The following APBA1 variants were observed in gnomAD, a reference collection of about 807,000 sequenced individuals.
APBA1 encodes amyloid-beta A4 precursor protein-binding family A member 1.
In APBA1, 55 loss-of-function variants were observed where a neutral mutation model predicts 86.6. The ratio of observed to expected loss-of-function variants is 0.64; its 90% CI spans 0.51 to 0.80. The LOEUF is 0.80. Among genes scored for constraint, APBA1 ranks in the 30% least tolerant of loss-of-function variants. The pLI is 0.00. For synonymous variants in APBA1, 511 were observed against 493.9 expected, an observed-to-expected ratio of 1.03 and a Z score of -0.46; for missense variants, 1,090 against 1,183.0, an observed-to-expected ratio of 0.92 and a Z score of 1.15.
intron 2 of APBA1, among the ~76,000 whole-genome samples, chr9:69,504,596 T>C (rs1009319432): frequency 1.3e-5 from 2 of 151,976 alleles, no homozygotes; most frequent in Non-Finnish European, 2.9e-5. Flanking sequence ...CCCCCAAACA[T>C]TAGTATCTGT....
In APBA1 at chr9:69,482,911, T is replaced by C. The variant is rs560018510; in HGVS notation, c.1201-6768A>G. Among the ~76,000 whole-genome samples the C allele has an allele frequency of 5.7e-5, 8 of 139,546 alleles. No individual in the cohort carries two copies. The East Asian group carries it at 6.4e-4, about 11-fold the overall frequency. The allele number at this position is 139,546 out of a possible 152,430, so 91.5% of individuals were successfully genotyped here. ...GCATATTCTCACTCATAGGTGGGAA[T>C]TGAACAATGAGATCGCATGGACACA... is the stretch of plus-strand genomic sequence containing the variant. On this transcript the variant is annotated intron_variant, in intron 2 of 12. Transcript: ENST00000265381.
At position 69,429,652 on chromosome 9, in the gene APBA1, G is replaced by T. The variant is rs536157607; in HGVS notation, c.*1675C>A. On this transcript the variant is annotated 3_prime_UTR_variant, in exon 13 of 13. Transcript: ENST00000265381. Reference sequence around the variant, plus strand: ...GGGGAATTGATCACAGAACTCTCTGGTTGAAGTCTCTTGTCCCTAATCTTG... The same window carrying T: ...GGGGAATTGATCACAGAACTCTCTGTTTGAAGTCTCTTGTCCCTAATCTTG... 1 of 152,178 alleles carries T rather than the reference G, an allele frequency of 6.6e-6. No homozygotes were observed. Among genetic ancestry groups the T allele is most frequent in the South Asian group, 2.1e-4 (1 of 4,810 alleles). The allele number at this position is 152,178 out of a possible 1,614,324, so 9.4% of individuals were successfully genotyped here. A position where few individuals can be genotyped will look rare whatever the true frequency, so the allele number is the denominator to read the frequency against.
At chr9:69,538,229 A>AT (rs566238745) in intron 1 of APBA1, among the ~76,000 whole-genome samples, 49 of 152,358 alleles carry the variant, frequency 3.2e-4, no homozygotes, top group African/African-American at 1.2e-3. Flanking sequence ...TGGGGAGTGA[A>AT]TGAGGTCACT....
intron 1 of APBA1, among the ~76,000 whole-genome samples, chr9:69,642,986 C>T (rs1001921582): frequency 6.6e-6 from 1 of 151,356 alleles, no homozygotes; most frequent in African/African-American, 2.4e-5. Flanking sequence ...TCTATATATA[C>T]ATATATGTGT....
intron 2 of APBA1, among the ~76,000 whole-genome samples, chr9:69,491,533 A>G (rs1377361396): frequency 1.3e-5 from 2 of 151,876 alleles, no homozygotes; most frequent in Non-Finnish European, 2.9e-5. Flanking sequence ...CAGCACACCA[A>G]CGTGGCGCAT....
rs1490043802 is a variant in APBA1, at chr9:69,428,979, A to C, written c.*2348T>G. On this transcript the variant is annotated 3_prime_UTR_variant, in exon 13 of 13. Transcript: ENST00000265381. ...GCTTTTTCAGCACCTCTCAAAGTTT[A>C]CAAGGTTTTTGTGCAATAGGAATAG... The C allele has an allele frequency of 1.3e-5, 2 of 152,238 alleles. No individual in the cohort carries two copies. The highest frequency in any genetic ancestry group is 4.8e-5 in the African/African-American group (2 of 41,464). The allele number at this position is 152,238 out of a possible 1,614,324, so 9.4% of individuals were successfully genotyped here.
In APBA1 at chr9:69,449,660, A is replaced by C; in HGVS notation, c.2105T>G (p.Ile702Ser). The C allele has an allele frequency of 6.2e-7, 1 of 1,614,014 alleles. No homozygotes were observed. Among genetic ancestry groups the C allele is most frequent in the Non-Finnish European group, 8.5e-7 (1 of 1,180,026 alleles). ...GPAEKSGKLNIGDQIMSINGT... is the reference protein window; with the variant it reads ...GPAEKSGKLNSGDQIMSINGT... ...ATTAATGGACATGATCTGGTCACCG[A>C]TATTCAGCTTCCCAGATTTCTCCGC... The change falls in exon 10 of 13, where the codon ATC (isoleucine) becomes AGC (serine). Residue 702 changes from isoleucine (I) to serine (S), a missense_variant. Physicochemically the swap from Ile to Ser is moderately radical, Grantham distance 142. This residue lies in a region of APBA1 where 97 missense variants were observed against 166.8 expected (regional missense o/e 0.58). Transcript: ENST00000265381.
At chr9:69,561,241 G>T (rs1836941524) in intron 1 of APBA1, among the ~76,000 whole-genome samples, 1 of 152,128 alleles carries the variant, frequency 6.6e-6, no homozygotes, top group Non-Finnish European at 1.5e-5. Context: ...CCAGAAACTT[G>T]CTGTAATAAA....
chr9:69,638,682 T>C (rs1282623794), intron 1 of APBA1, among the ~76,000 whole-genome samples: 2 of 152,202 alleles, frequency 1.3e-5, no homozygotes, highest in Non-Finnish European at 2.9e-5. Context: ...AGTCAGCAAA[T>C]GAATCAGAAG....
intron 11 of APBA1, among the ~76,000 whole-genome samples, chr9:69,434,054 T>A (rs1409318850): frequency 1.3e-5 from 2 of 152,204 alleles, no homozygotes; most frequent in Admixed American, 6.5e-5. Context: ...TCAAGTGATC[T>A]GCCTGGCTTC....
Position 69,565,169 on chromosome 9 carries a change from C to T in APBA1, c.-69-47890G>A, listed in dbSNP as rs538468866. On this transcript the variant is annotated intron_variant, in intron 1 of 12. Transcript: ENST00000265381. ...TTCACCTGCAAAAACCTCCAAACATCTAAAATGTGAAGTGCTGTCAGGTAG... is the reference window on the plus strand; with the variant it reads ...TTCACCTGCAAAAACCTCCAAACATTTAAAATGTGAAGTGCTGTCAGGTAG... Among the ~76,000 whole-genome samples, 65 of 151,998 alleles carry T rather than the reference C, an allele frequency of 4.3e-4. No homozygotes were observed. In the East Asian group the frequency reaches 0.012, roughly 27 times the overall value.
At chr9:69,666,993 G>T (rs1823853235) in intron 1 of APBA1, among the ~76,000 whole-genome samples, 1 of 152,106 alleles carries the variant, frequency 6.6e-6, no homozygotes, top group African/African-American at 2.4e-5. Context: ...TGCTATATTT[G>T]ATTTTTCTTT....
intron 1 of APBA1, among the ~76,000 whole-genome samples, chr9:69,650,982 T>C (rs1163733096): frequency 1.3e-5 from 2 of 152,194 alleles, no homozygotes; most frequent in Non-Finnish European, 2.9e-5. Flanking sequence ...AGTAGTTTTG[T>C]TTATAATAGC....
intron 1 of APBA1, among the ~76,000 whole-genome samples, chr9:69,652,294 G>A (rs1823519999): frequency 6.6e-6 from 1 of 152,186 alleles, no homozygotes; most frequent in African/African-American, 2.4e-5. Flanking sequence ...AGGCCCTCTG[G>A]TTTTTATGGA....
At chr9:69,664,857 A>G (rs561934695) in intron 1 of APBA1, among the ~76,000 whole-genome samples, 10 of 152,352 alleles carry the variant, frequency 6.6e-5, no homozygotes, top group African/African-American at 2.4e-4. Context: ...ACAGAACTGC[A>G]GGCAGTTGTC....
intron 1 of APBA1, among the ~76,000 whole-genome samples, chr9:69,596,513 G>A (rs898525345): frequency 1.3e-5 from 2 of 152,174 alleles, no homozygotes; most frequent in African/African-American, 4.8e-5. Flanking sequence ...TAGCATAATA[G>A]TGCCAGCTAT....
At chr9:69,635,577 C>G (rs1823139907) in intron 1 of APBA1, among the ~76,000 whole-genome samples, 1 of 151,760 alleles carries the variant, frequency 6.6e-6, no homozygotes, top group African/African-American at 2.4e-5. Flanking sequence ...AAACAAGACC[C>G]AATGATCTGT....
intron 3 of APBA1, among the ~76,000 whole-genome samples, chr9:69,475,532 C>A (rs1835429878): frequency 6.6e-6 from 1 of 152,148 alleles, no homozygotes; most frequent in East Asian, 1.9e-4. Context: ...TGAACTGGAA[C>A]CACACCCTAG....
chr9:69,522,086 CAT>C (rs1491298528), intron 1 of APBA1, among the ~76,000 whole-genome samples: 7 of 149,542 alleles, frequency 4.7e-5, no homozygotes, highest in African/African-American at 1.0e-4. Flanking sequence ...CACACACACA[CAT>C]ATATAAATTA....
Sources: gnomAD v4.1 joint callset for allele counts (sites outside exome capture counted in the v4.1 genomes callset) on GRCh38, gnomAD v4.1.1 for gene constraint, gnomAD v4.1.1 regional missense constraint, MANE v1.5 for transcripts, NCBI Gene and HGNC (gene_info 2026-07-23, HGNC 2026-07-21) for gene names.